Variants in NEB observed in about 807,000 individuals in gnomAD.
The protein encoded by NEB is nebulin.
NEB carries 512 observed loss-of-function variants against 952.2 expected under a neutral mutation model. The observed-to-expected ratio is 0.54, with a 90% CI of 0.50 to 0.58. The LOEUF is 0.58. Among genes scored for constraint, NEB ranks in the 20% least tolerant of loss-of-function variants. NEB has a pLI of 0.00. For synonymous variants in NEB, 2,900 were observed against 3,149.8 expected (o/e 0.92, Z 2.66); for missense variants, 8,428 against 9,231.1 (o/e 0.91, Z 3.56).
At chr2:151,717,558 AT>A in intron 9 of NEB, 38 bp from the exon 10 acceptor site, 1 of 1,429,746 alleles carries the variant, frequency 7.0e-7, no homozygotes, top group Non-Finnish European at 9.8e-7. Flanking sequence ...TTTAAAAACG[AT>A]TATGCTTTCA....
intron 165 of NEB, among the ~76,000 whole-genome samples, chr2:151,504,466 A>C (rs1344444926): frequency 2.0e-5 from 3 of 152,254 alleles, no homozygotes; most frequent in Non-Finnish European, 4.4e-5. Flanking sequence ...ATTAGAGGAC[A>C]CAAAACTCTA....
rs368188014 is a variant in NEB, at chr2:151,660,727, C to G, written c.5970+1408G>C. On this transcript the variant is annotated intron_variant, in intron 46 of 181. Transcript: ENST00000397345. Reference sequence around the variant, plus strand: ...TTGTAGTCCAAAAGCAGCCAGAGACCACACGCCAACAAACAGCTGTGGTTG... The same window carrying G: ...TTGTAGTCCAAAAGCAGCCAGAGACGACACGCCAACAAACAGCTGTGGTTG... Among the ~76,000 whole-genome samples, 15 of 152,242 alleles carry G rather than the reference C, an allele frequency of 9.9e-5. No individual in the cohort carries two copies. The South Asian group carries it at 1.5e-3, about 15-fold the overall frequency.
rs1259055844 is a variant in NEB at position 151,640,410 on chromosome 2, A to G, written c.8630T>C (p.Leu2877Pro). 6.2e-7 allele frequency: 1 copy of G among 1,613,954 alleles called. No individual in the cohort carries two copies. The highest frequency in any genetic ancestry group is 1.3e-5 in the African/African-American group (1 of 75,042). Residue 2877 changes from leucine to proline, a missense_variant, in exon 61 of 182, where the codon CTG (leucine) becomes CCG (proline). Physicochemically the swap from Leu to Pro is moderately conservative, Grantham distance 98. Around this residue, in one of 11 missense-constraint regions of NEB, gnomAD observed 1,772 missense variants for 1,960.3 expected, o/e 0.90. Transcript: ENST00000397345. Reference protein sequence around the residue: ...YKNYLHQWTCLPDQSDVIHAR... With the variant: ...YKNYLHQWTCPPDQSDVIHAR... ...ATGGATGACGTCGCTCTGGTCGGGCAGGCATGTCCACTGGTGCAGGTAGTT... is the reference window on the plus strand; with the variant it reads ...ATGGATGACGTCGCTCTGGTCGGGCGGGCATGTCCACTGGTGCAGGTAGTT...
chr2:151,491,634 C>T (rs1475394717), intron 179 of NEB, 49 bp downstream of exon 179: 2 of 1,395,940 alleles, frequency 1.4e-6, no homozygotes, highest in Admixed American at 3.9e-5. Flanking sequence ...TTGACTCTAG[C>T]ATACTAAATG....
intron 45 of NEB, among the ~76,000 whole-genome samples, chr2:151,662,934 G>C (rs2099164195): frequency 6.6e-6 from 1 of 152,264 alleles, no homozygotes; most frequent in Non-Finnish European, 1.5e-5. Flanking sequence ...TAATAGCTCA[G>C]CCCTCACATT....
intron 119 of NEB, among the ~76,000 whole-genome samples, 175 bp from the exon 120 acceptor site, chr2:151,562,983 A>G (rs2153713341): frequency 7.0e-6 from 1 of 142,058 alleles, no homozygotes; most frequent in African/African-American, 2.6e-5. Context: ...ATACTTTAAT[A>G]TATTCTTCTT....
intron 137 of NEB, 100 bp from the exon 138 acceptor site, chr2:151,540,548 A>T: frequency 1.8e-6 from 2 of 1,119,938 alleles, no homozygotes; most frequent in South Asian, 2.9e-5. Context: ...TGTGTTACAC[A>T]CTTTAAGAGA....
Position 151,650,286 on chromosome 2 carries a change from T to A in NEB, c.7321A>T (p.Ile2441Phe). 1 of 1,613,936 alleles carries A rather than the reference T, an allele frequency of 6.2e-7. No homozygotes were observed. The highest frequency in any genetic ancestry group is 2.2e-5 in the East Asian group (1 of 44,880). ...TGACGATATTTCTTCTCACTGATGA[T>A]TTCCGAAGCCCGCTTGTTCTTTTCT... ...EAEKNKRASE[I>F]ISEKKYRQPP... Residue 2441 changes from isoleucine to phenylalanine, a missense_variant, in exon 54 of 182, where the codon ATC (isoleucine) becomes TTC (phenylalanine). By Grantham distance (21) the Ile-to-Phe change is conservative. Coordinates refer to ENST00000397345, the MANE Select transcript of NEB (RefSeq NM_001164508.2).
intron 37 of NEB, among the ~76,000 whole-genome samples, chr2:151,671,773 C>T (rs139419111): frequency 9.9e-5 from 15 of 152,240 alleles, no homozygotes; most frequent in African/African-American, 3.1e-4. Flanking sequence ...ATATTTTTAT[C>T]GAGTGCCAAT....
chr2:151,595,274 C>T (rs1484877428), intron 92 of NEB, among the ~76,000 whole-genome samples: 1 of 146,946 alleles, frequency 6.8e-6, no homozygotes, highest in Non-Finnish European at 1.5e-5. Context: ...TTTTGAAACG[C>T]AGTTTCAGTC....
intron 116 of NEB, 84 bp from the exon 117 acceptor site, chr2:151,565,232 G>A (rs1041702586): frequency 2.9e-5 from 23 of 793,332 alleles, no homozygotes; most frequent in Admixed American, 1.1e-4. Context: ...ATCAGTCCAC[G>A]TTTAAAGATT....
At chr2:151,529,390 A>T in intron 145 of NEB, 76 bp from the exon 146 acceptor site, 1 of 949,980 alleles carries the variant, frequency 1.1e-6, no homozygotes, top group Non-Finnish European at 1.7e-6. Flanking sequence ...CAAGAAATTA[A>T]ATCCATGCAT....
chr2:151,626,952 C>A, intron 70 of NEB, 50 bp downstream of exon 70: 1 of 1,588,116 alleles, frequency 6.3e-7, no homozygotes, highest in South Asian at 1.1e-5. Flanking sequence ...CAATAGGTAT[C>A]TTGAATGACA....
At chr2:151,519,404 A>T (rs1481219246) in intron 154 of NEB, among the ~76,000 whole-genome samples, 1 of 152,238 alleles carries the variant, frequency 6.6e-6, no homozygotes, top group Non-Finnish European at 1.5e-5. Flanking sequence ...GATTCCATTT[A>T]TATGCACTCT....
Position 151,485,637 on chromosome 2 carries a change from A to T in NEB, c.*123T>A. Reference sequence around the variant, plus strand: ...AAGGAGAAAGGATGGTACTACCATAAATCACATTGACACAGAAAAACCATA... The same window carrying T: ...AAGGAGAAAGGATGGTACTACCATATATCACATTGACACAGAAAAACCATA... On this transcript the variant is annotated 3_prime_UTR_variant, in exon 182 of 182. Transcript: ENST00000397345. The T allele has an allele frequency of 1.1e-6, 1 of 930,698 alleles. No homozygotes were observed. Among genetic ancestry groups the T allele is most frequent in the Non-Finnish European group, 1.6e-6 (1 of 634,492 alleles). The allele number at this position is 930,698 out of a possible 1,614,324, so 57.7% of individuals were successfully genotyped here.
Position 151,644,583 on chromosome 2 carries a change from G to T in NEB, c.7537-8C>A. The stretch of plus-strand genomic sequence containing the variant: ...ACCCATTCGGTAGAGTTTCTGTTAA[G>T]AAATGAAGATCATTTTGGGAAATAC... On this transcript the variant is annotated splice_polypyrimidine_tract_variant and splice_region_variant and intron_variant, in intron 55 of 181. Transcript: ENST00000397345. 6.2e-7 allele frequency: 1 copy of T among 1,601,252 alleles called. No homozygotes were observed. The highest frequency in any genetic ancestry group is 8.6e-7 in the Non-Finnish European group (1 of 1,168,358).
chr2:151,526,119 C>G (rs767637366), intron 149 of NEB, 39 bp downstream of exon 149: 1 of 1,612,276 alleles, frequency 6.2e-7, no homozygotes, highest in East Asian at 2.2e-5. Context: ...GGGCGTTCTC[C>G]CAAGAGGGAA....
rs1250554774 is a variant in NEB, at chr2:151,644,106, G to A, written c.7668C>T (p.Arg2556=). 20 of 1,613,726 alleles carry A rather than the reference G, an allele frequency of 1.2e-5. No homozygotes were observed. The highest frequency in any genetic ancestry group is 1.6e-5 in the Non-Finnish European group (19 of 1,179,816). The part of the protein sequence containing the change: ...ASEYKYKEGF[R]KQLGHHIGAR... ...CACCAATGTGGTGGCCGAGCTGCTT[G>A]CGAAAGCCTTCCTTGTACTTGTACT... The change falls in exon 57 of 182, where the codon CGC becomes CGT. Residue 2556 remains arginine, a synonymous_variant. Coordinates refer to ENST00000397345, the MANE Select transcript of NEB (RefSeq NM_001164508.2).
In NEB at chr2:151,654,044, AC is replaced by A; in HGVS notation, c.6862del (p.Val2288LeufsTer8). ...EALKKGYDLP[V>X]DAISVQLAKA... is the part of the protein sequence containing the mutation. ...AGCTAGCTGTACAGAAATTGCATCA[AC>A]TGGGAGATCATAGCCTTTCTTCAAA... On this transcript the variant is annotated frameshift_variant, in exon 52 of 182. Coordinates refer to ENST00000397345, the MANE Select transcript of NEB (RefSeq NM_001164508.2). LOFTEE classifies it high-confidence loss of function. 1 of 1,612,650 alleles carries A rather than the reference AC, an allele frequency of 6.2e-7. No homozygotes were observed.
Sources: allele counts gnomAD v4.1 joint callset (sites outside exome capture counted in the v4.1 genomes callset), GRCh38; gene constraint gnomAD v4.1.1; regional missense constraint gnomAD v4.1.1; transcripts MANE v1.5; gene names NCBI Gene and HGNC (gene_info 2026-07-23, HGNC 2026-07-21).